PARVB: variants seen among roughly 807,000 people sequenced by gnomAD.
The protein encoded by PARVB is beta-parvin.
PARVB carries 46 observed loss-of-function variants against 47.0 expected under a neutral mutation model. The observed-to-expected ratio is 0.98, with a 90% CI of 0.77 to 1.25. The LOEUF is 1.25. PARVB is among the 50% of genes most tolerant of loss of function. PARVB has a pLI of 0.00. For missense variants in PARVB, 473 were observed against 471.6 expected (o/e 1.00, Z -0.03); for synonymous variants, 196 against 196.3 (o/e 1.00, Z 0.01).
At chr22:44,058,549 A>ATTTTTTTTT (rs35947294) in intron 1 of PARVB, among the ~76,000 whole-genome samples, 2 of 96,018 alleles carry the variant, frequency 2.1e-5, no homozygotes, top group Non-Finnish European at 4.0e-5. Flanking sequence ...GTGGACGTGG[A>ATTTTTTTTT]TTTTTTTTTT....
At chr22:44,162,134 G>A (rs1217980812) in intron 11 of PARVB, among the ~76,000 whole-genome samples, 2 of 152,242 alleles carry the variant, frequency 1.3e-5, no homozygotes, top group African/African-American at 2.4e-5. Flanking sequence ...AGCACAGGCC[G>A]TGTGCACTGT....
At position 44,170,722 on chromosome 22, in the gene PARVB, C is replaced by G. The variant is rs1357676771; in HGVS notation, c.*2044C>G. 1 of 152,232 alleles carries G rather than the reference C, an allele frequency of 6.6e-6. No individual in the cohort carries two copies. Among genetic ancestry groups the G allele is most frequent in the Non-Finnish European group, 1.5e-5 (1 of 68,066 alleles). The allele number at this position is 152,232 out of a possible 1,614,324, so 9.4% of individuals were successfully genotyped here. On this transcript the variant is annotated 3_prime_UTR_variant, in exon 13 of 13. Coordinates refer to ENST00000338758, the MANE Select transcript of PARVB (RefSeq NM_013327.5). Reference sequence around the variant, plus strand: ...TTCCCAGGGTGATGACCCGCTGACCCCCTGGGGTGCACCTGCTGCAAAGCA... The same window carrying G: ...TTCCCAGGGTGATGACCCGCTGACCGCCTGGGGTGCACCTGCTGCAAAGCA...
chr22:44,118,521 G>A (rs189755550), intron 3 of PARVB, among the ~76,000 whole-genome samples: 27 of 152,330 alleles, frequency 1.8e-4, no homozygotes, highest in Admixed American at 1.8e-3. Context: ...GGTTAGGGTG[G>A]GTTGAGACTT....
chr22:44,124,313 T>G (rs1475421445), intron 4 of PARVB, among the ~76,000 whole-genome samples: 1 of 152,206 alleles, frequency 6.6e-6, no homozygotes, highest in African/African-American at 2.4e-5. Context: ...AAGAACCCAG[T>G]GTCCCCTTGT....
chr22:44,054,097 C>T (rs1471805319), intron 1 of PARVB, among the ~76,000 whole-genome samples: 1 of 152,182 alleles, frequency 6.6e-6, no homozygotes, highest in Non-Finnish European at 1.5e-5. Context: ...TTCCTTCCTC[C>T]AAGGTGTGGG....
At chr22:44,043,668 C>T (rs940271233) in intron 1 of PARVB, among the ~76,000 whole-genome samples, 18 of 152,234 alleles carry the variant, frequency 1.2e-4, no homozygotes, top group African/African-American at 3.4e-4. Flanking sequence ...TAAGCCACTG[C>T]GCCCAGCCGA....
At chr22:44,008,666 CCTGT>C (rs1028886834) in intron 2 of PARVB, among the ~76,000 whole-genome samples, 2 of 152,078 alleles carry the variant, frequency 1.3e-5, no homozygotes, top group East Asian at 1.9e-4. Context: ...CCACAACCTG[CCTGT>C]CTTTCTTGCT....
At chr22:44,017,943 A>G (rs1010293991) in intron 2 of PARVB, among the ~76,000 whole-genome samples, 1 of 152,120 alleles carries the variant, frequency 6.6e-6, no homozygotes, top group Non-Finnish European at 1.5e-5. Context: ...CGTGTCACAC[A>G]TGTGACATTG....
At chr22:44,058,135 G>C (rs1015078877) in intron 1 of PARVB, among the ~76,000 whole-genome samples, 2 of 152,166 alleles carry the variant, frequency 1.3e-5, no homozygotes, top group African/African-American at 4.8e-5. Context: ...TGACATAAAA[G>C]AGTACCCCAC....
intron 1 of PARVB, among the ~76,000 whole-genome samples, chr22:44,027,029 C>T (rs542347937): frequency 5.3e-5 from 8 of 151,874 alleles, no homozygotes; most frequent in South Asian, 2.1e-4. Context: ...ATGAGCTTCA[C>T]GGTGGGCGTG....
At chr22:44,052,375 C>G (rs2051225757) in intron 1 of PARVB, among the ~76,000 whole-genome samples, 1 of 152,216 alleles carries the variant, frequency 6.6e-6, no homozygotes, top group Non-Finnish European at 1.5e-5. Context: ...CCCGGGCCTG[C>G]TCTCCTCACC....
At chr22:44,106,183 T>G (rs2052564573) in intron 3 of PARVB, 1 of 130,068 alleles carries the variant, frequency 7.7e-6, no homozygotes, top group South Asian at 2.6e-4. Flanking sequence ...CCCAAACCTG[T>G]GAGATGGCAG....
At chr22:44,097,213 G>C (rs1490365980) in intron 2 of PARVB, among the ~76,000 whole-genome samples, 2 of 152,206 alleles carry the variant, frequency 1.3e-5, no homozygotes, top group East Asian at 3.9e-4. Context: ...AGTCCCTGGA[G>C]TCCTGTTCCT....
At chr22:44,072,180 C>G (rs928990275) in intron 1 of PARVB, among the ~76,000 whole-genome samples, 1 of 152,200 alleles carries the variant, frequency 6.6e-6, no homozygotes, top group South Asian at 2.1e-4. Flanking sequence ...GCCATTGTTT[C>G]CAGATCTGTA....
chr22:44,103,930 A>G lies in PARVB; in HGVS notation c.273+3807A>G, dbSNP rs1215203445. 6.6e-6 allele frequency: 1 copy of G among 152,272 alleles called. No homozygotes were observed. The highest frequency in any genetic ancestry group is 1.5e-5 in the Non-Finnish European group (1 of 68,070). The allele number at this position is 152,272 out of a possible 1,614,324, so 9.4% of individuals were successfully genotyped here. A position where few individuals can be genotyped will look rare whatever the true frequency, so the allele number is the denominator to read the frequency against. On this transcript the variant is annotated intron_variant, in intron 3 of 12. Coordinates refer to ENST00000338758, the MANE Select transcript of PARVB (RefSeq NM_013327.5). The surrounding 1 kb of genome is among the most constrained non-coding windows in gnomAD (Gnocchi z 4.6). ...TGACACCTGGATTTTAGCCCAGTGG[A>G]ACAGATTTTGGACTTTGACCTCTAG... is the stretch of plus-strand genomic sequence containing the variant.
At chr22:44,027,326 G>A (rs111596180) in intron 1 of PARVB, among the ~76,000 whole-genome samples, 1 of 152,164 alleles carries the variant, frequency 6.6e-6, no homozygotes, top group Admixed American at 6.5e-5. Context: ...GATGGAGGTC[G>A]GGGACAGCCC....
intron 1 of PARVB, among the ~76,000 whole-genome samples, chr22:44,080,809 G>A (rs958517879): frequency 3.3e-5 from 5 of 152,210 alleles, no homozygotes; most frequent in Admixed American, 6.5e-5. Context: ...GAGTGTTCAC[G>A]GAGCACCTGC....
chr22:44,040,470 C>T (rs1023756746), intron 1 of PARVB, among the ~76,000 whole-genome samples: 7 of 152,002 alleles, frequency 4.6e-5, no homozygotes, highest in Admixed American at 6.6e-5. Flanking sequence ...GTGGGCCCAG[C>T]GTGATTACCA....
intron 4 of PARVB, among the ~76,000 whole-genome samples, chr22:44,129,433 C>T (rs1256891947): frequency 6.6e-6 from 1 of 152,230 alleles, no homozygotes; most frequent in Non-Finnish European, 1.5e-5. Flanking sequence ...TTCCTCCACC[C>T]TGGGTGACGT....
Sources: allele counts gnomAD v4.1 joint callset (sites outside exome capture counted in the v4.1 genomes callset), GRCh38; gene constraint gnomAD v4.1.1; non-coding constraint Gnocchi (gnomAD v3.1); transcripts MANE v1.5; gene names NCBI Gene and HGNC (gene_info 2026-07-23, HGNC 2026-07-21).